SNCB: variants seen among roughly 807,000 people sequenced by gnomAD.
The protein encoded by SNCB is beta-synuclein.
In SNCB, 8 loss-of-function variants were observed where a neutral mutation model predicts 20.0. That is an observed-to-expected ratio of 0.40 (90% CI 0.24 to 0.72). SNCB has a LOEUF of 0.72. Among genes scored for constraint, SNCB ranks in the 30% least tolerant of loss-of-function variants. The pLI, the probability that SNCB is intolerant of heterozygous loss-of-function variation, is 0.37. For synonymous variants in SNCB, 56 were observed against 65.4 expected (o/e 0.86, Z 0.69); for missense variants, 125 against 168.0 (o/e 0.74, Z 1.41).
At position 176,620,783 on chromosome 5, in the gene SNCB, T is replaced by G. The variant is rs908463267; in HGVS notation, c.*28A>C. ...CGGGGCAGGGACAGGGACAGAATTG[T>G]GCTGCTGGTGGGGGCTCTCCTGGGC... On this transcript the variant is annotated 3_prime_UTR_variant, in exon 6 of 6. Transcript: ENST00000393693. The surrounding 1 kb of genome is among the most constrained non-coding windows in gnomAD (Gnocchi z 4.5). 1.9e-6 allele frequency: 3 copies of G among 1,593,298 alleles called. No homozygotes were observed. The African/African-American group carries it at 4.0e-5, about 21-fold the overall frequency.
At chr5:176,628,789 G>A (rs961844787) in intron 2 of SNCB, among the ~76,000 whole-genome samples, 2 of 152,234 alleles carry the variant, frequency 1.3e-5, no homozygotes, top group African/African-American at 4.8e-5. Context: ...AGCATCTGCA[G>A]GATGCCTGGC....
chr5:176,629,497 C>T lies in SNCB; in HGVS notation c.121+37G>A. On this transcript the variant is annotated intron_variant, in intron 2 of 5. Coordinates refer to ENST00000393693, the MANE Select transcript of SNCB (RefSeq NM_003085.5). The surrounding 1 kb of genome is among the most constrained non-coding windows in gnomAD (Gnocchi z 4.1). ...CAGCTCCACACTGTCGGGGGACCCC[C>T]AGCCCTGCAGCCCCAGAAACCCCGC... 2 of 1,607,768 alleles carry T rather than the reference C, an allele frequency of 1.2e-6. No homozygotes were observed. The highest frequency in any genetic ancestry group is 1.7e-6 in the Non-Finnish European group (2 of 1,176,702).
rs938772224 is a variant in SNCB at position 176,629,802 on chromosome 5, A to G, written c.-9-139T>C. On this transcript the variant is annotated intron_variant, in intron 1 of 5. Coordinates refer to ENST00000393693, the MANE Select transcript of SNCB (RefSeq NM_003085.5). This position sits in a 1 kb window ranked among gnomAD's most constrained non-coding sequence, Gnocchi z 4.1. ...CTGAGCCCCCTCCCGCTTTCCCCCC[A>G]TCCCACCCCACTCCCCAGTGCGAAG... 8.5e-7 allele frequency: 1 copy of G among 1,173,596 alleles called. No homozygotes were observed. The highest frequency in any genetic ancestry group is 1.2e-6 in the Non-Finnish European group (1 of 858,752). 72.7% of individuals were successfully genotyped at this position (1,173,596 alleles called of 1,614,324 possible).
rs900099450 is a variant in SNCB at position 176,629,233 on chromosome 5, T to C, written c.121+301A>G. On this transcript the variant is annotated intron_variant, in intron 2 of 5. Transcript: ENST00000393693. This position sits in a 1 kb window ranked among gnomAD's most constrained non-coding sequence, Gnocchi z 4.1. ...CATACAGAAAGTGTTCAACACCAGA[T>C]AACTATTAATAATGGTAAAAAAGAT... Among the ~76,000 whole-genome samples the C allele has an allele frequency of 2.6e-5, 4 of 152,152 alleles. No homozygotes were observed. Among genetic ancestry groups the C allele is most frequent in the Non-Finnish European group, 5.9e-5 (4 of 68,018 alleles).
Position 176,620,951 on chromosome 5 carries a change from G to T in SNCB, c.373-108C>A. The T allele has an allele frequency of 1.0e-6, 1 of 985,332 alleles. No homozygotes were observed. The highest frequency in any genetic ancestry group is 1.6e-6 in the Non-Finnish European group (1 of 614,270). The allele number at this position is 985,332 out of a possible 1,614,324, so 61.0% of individuals were successfully genotyped here. A position where few individuals can be genotyped will look rare whatever the true frequency, so the allele number is the denominator to read the frequency against. On this transcript the variant is annotated intron_variant, in intron 5 of 5. Coordinates refer to ENST00000393693, the MANE Select transcript of SNCB (RefSeq NM_003085.5). This position sits in a 1 kb window ranked among gnomAD's most constrained non-coding sequence, Gnocchi z 4.5. ...GAACCCTCTCCCTGAAGGAGGAATA[G>T]CACATTCCCCTTTTCCTGGGCAGGG...
At chr5:176,622,101 C>T (rs1241398174) in intron 4 of SNCB, among the ~76,000 whole-genome samples, 1 of 152,248 alleles carries the variant, frequency 6.6e-6, no homozygotes, top group African/African-American at 2.4e-5. Flanking sequence ...AAAGCCTGCC[C>T]TGACCACGTC....
chr5:176,630,011 A>C, intron 1 of SNCB: 1 of 203,690 alleles, frequency 4.9e-6, no homozygotes, highest in Non-Finnish European at 9.9e-6. Context: ...ACAAACATAC[A>C]CCACGGACAA....
At chr5:176,625,634 A>AG (rs771131256) in intron 4 of SNCB, among the ~76,000 whole-genome samples, 20 of 152,120 alleles carry the variant, frequency 1.3e-4, no homozygotes, top group South Asian at 8.3e-4. Flanking sequence ...GGGTCCTAGT[A>AG]GGGGGATCTG....
In SNCB at chr5:176,629,473, A is replaced by C. The variant is rs1581177848; in HGVS notation, c.121+61T>G. On this transcript the variant is annotated intron_variant, in intron 2 of 5. Transcript: ENST00000393693. The surrounding 1 kb of genome is among the most constrained non-coding windows in gnomAD (Gnocchi z 4.1). ...ACCCCCCTCCCCGGGACCCGGCCCC[A>C]GCTCCACACTGTCGGGGGACCCCCA... 1.3e-6 allele frequency: 2 copies of C among 1,554,432 alleles called. No homozygotes were observed. The highest frequency in any genetic ancestry group is 8.8e-7 in the Non-Finnish European group (1 of 1,141,428).
chr5:176,629,571 C>G lies in SNCB; in HGVS notation c.84G>C (p.Glu28Asp). 1 of 1,613,634 alleles carries G rather than the reference C, an allele frequency of 6.2e-7. No individual in the cohort carries two copies. The highest frequency in any genetic ancestry group is 8.5e-7 in the Non-Finnish European group (1 of 1,179,816). Reference sequence around the variant, plus strand: ...CGCCCTCCTTGGTCTTCTCCGCCGCCTCGGTGACCCCCTGCTTGGTTTTCT... The same window carrying G: ...CGCCCTCCTTGGTCTTCTCCGCCGCGTCGGTGACCCCCTGCTTGGTTTTCT... The part of the protein sequence containing the change: ...AAEKTKQGVT[E>D]AAEKTKEGVL... The change falls in exon 2 of 6, where the codon GAG becomes GAC. Residue 28 changes from glutamate to aspartate, a missense_variant. Transcript: ENST00000393693. This position sits in a 1 kb window ranked among gnomAD's most constrained non-coding sequence, Gnocchi z 4.1.
rs528400352 is a variant in SNCB, at chr5:176,626,880, A to G, written c.122-119T>C. ...CCCGTCACTGCCTCCTTGGGTCCCC[A>G]CATCCTACAACCTGCACCCCCATGT... is the stretch of plus-strand genomic sequence containing the variant. On this transcript the variant is annotated intron_variant, in intron 2 of 5. Transcript: ENST00000393693. This position sits in a 1 kb window ranked among gnomAD's most constrained non-coding sequence, Gnocchi z 4.2. 593 of 1,003,390 alleles carry G rather than the reference A, an allele frequency of 5.9e-4. 5 individuals carry two copies. In the South Asian group the frequency reaches 6.9e-3, roughly 12 times the overall value. 62.2% of individuals were successfully genotyped at this position (1,003,390 alleles called of 1,614,324 possible). A position where few individuals can be genotyped will look rare whatever the true frequency, so the allele number is the denominator to read the frequency against.
rs111700298 is a variant in SNCB, at chr5:176,629,071, C to T, written c.121+463G>A. On this transcript the variant is annotated intron_variant, in intron 2 of 5. Coordinates refer to ENST00000393693, the MANE Select transcript of SNCB (RefSeq NM_003085.5). This position sits in a 1 kb window ranked among gnomAD's most constrained non-coding sequence, Gnocchi z 4.1. Reference sequence around the variant, plus strand: ...GAATCTATAAAGCTCCGTTCAAACCCCAGCTTCAGCATTTACCAGCTGCTG... The same window carrying T: ...GAATCTATAAAGCTCCGTTCAAACCTCAGCTTCAGCATTTACCAGCTGCTG... Among the ~76,000 whole-genome samples, 721 of 152,248 alleles carry T rather than the reference C, an allele frequency of 4.7e-3. 6 individuals are homozygous for T. Among genetic ancestry groups the T allele is most frequent in the Middle Eastern group, 0.01 (3 of 294 alleles).
intron 4 of SNCB, among the ~76,000 whole-genome samples, chr5:176,623,177 CA>C (rs1260029712): frequency 6.6e-6 from 1 of 152,038 alleles, no homozygotes; most frequent in Admixed American, 6.5e-5. Context: ...CACTTGAGGT[CA>C]GGAGTTTGAG....
rs5873543 is a variant in SNCB at position 176,626,335 on chromosome 5, GGTGTGT to G, written c.282+57_282+62del. On this transcript the variant is annotated intron_variant, in intron 4 of 5. Coordinates refer to ENST00000393693, the MANE Select transcript of SNCB (RefSeq NM_003085.5). The surrounding 1 kb of genome is among the most constrained non-coding windows in gnomAD (Gnocchi z 4.2). Reference sequence around the variant, plus strand: ...TGGTGACAGGTTTATTTGTGTGCCTGGTGTGTGTGTGTGTGTGTGTGTGTGTGTTTG... The same window carrying G: ...TGGTGACAGGTTTATTTGTGTGCCTGGTGTGTGTGTGTGTGTGTGTGTTTG... The G allele has an allele frequency of 0.024, 18,503 of 784,714 alleles. No homozygotes were observed. Among genetic ancestry groups the G allele is most frequent in the Non-Finnish European group, 0.031 (13,904 of 452,548 alleles). 48.6% of individuals were successfully genotyped at this position (784,714 alleles called of 1,614,324 possible).
intron 2 of SNCB, among the ~76,000 whole-genome samples, chr5:176,627,872 G>A (rs1037140305): frequency 6.6e-6 from 1 of 152,256 alleles, no homozygotes; most frequent in African/African-American, 2.4e-5. Flanking sequence ...ACCTCAAGTA[G>A]TGGGGAGAGG....
intron 2 of SNCB, among the ~76,000 whole-genome samples, chr5:176,628,350 C>T (rs1561902239): frequency 1.3e-5 from 2 of 152,138 alleles, no homozygotes; most frequent in Admixed American, 6.5e-5. Context: ...CTTTAGCCTT[C>T]TCCCGGTCTC....
intron 4 of SNCB, among the ~76,000 whole-genome samples, chr5:176,622,576 A>G (rs985572553): frequency 1.3e-5 from 2 of 152,182 alleles, no homozygotes; most frequent in African/African-American, 4.8e-5. Flanking sequence ...ACATCAGTAG[A>G]ATGGATGTGT....
intron 4 of SNCB, among the ~76,000 whole-genome samples, chr5:176,624,629 C>T (rs1006720132): frequency 2.0e-5 from 3 of 151,816 alleles, no homozygotes; most frequent in South Asian, 2.1e-4. Context: ...GGTGAAACCC[C>T]GTCTCTACTA....
intron 2 of SNCB, among the ~76,000 whole-genome samples, chr5:176,628,243 CAG>C (rs1049632472): frequency 2.6e-5 from 4 of 152,090 alleles, no homozygotes; most frequent in Admixed American, 2.6e-4. Context: ...AGTCTATTAT[CAG>C]AGAGAGAGTG....
Sources: gnomAD v4.1 joint callset for allele counts (sites outside exome capture counted in the v4.1 genomes callset) on GRCh38, gnomAD v4.1.1 for gene constraint, Gnocchi (gnomAD v3.1) non-coding constraint, MANE v1.5 for transcripts, NCBI Gene and HGNC (gene_info 2026-07-23, HGNC 2026-07-21) for gene names.